Variants in DNAH10 observed in about 807,000 individuals in gnomAD.
DNAH10 encodes axonemal beta dynein heavy chain 10.
A neutral mutation model predicts 506.6 loss-of-function variants in DNAH10; 348 were observed. The ratio of observed to expected loss-of-function variants is 0.69; its 90% CI spans 0.63 to 0.75. The LOEUF (loss-of-function observed/expected upper bound fraction) is 0.75, where lower values mean the gene tolerates loss of function less well. Among genes scored for constraint, DNAH10 ranks in the 30% least tolerant of loss-of-function variants. The probability of loss-of-function intolerance (pLI) is 0.00; values close to 1 mark genes in which losing one functional copy is unlikely to be tolerated. For synonymous variants in DNAH10, 2,059 were observed against 2,198.6 expected, an observed-to-expected ratio of 0.94 and a Z score of 1.78; for missense variants, 5,179 against 5,787.1, an observed-to-expected ratio of 0.89 and a Z score of 3.41.
intron 24 of DNAH10, among the ~76,000 whole-genome samples, chr12:123,825,016 C>T (rs1959817558): frequency 6.6e-6 from 1 of 152,032 alleles, no homozygotes; most frequent in Non-Finnish European, 1.5e-5. Flanking sequence ...CATTAAATGC[C>T]ATGAGAATAC....
chr12:123,830,556 G>T lies in DNAH10; in HGVS notation c.4402G>T (p.Glu1468Ter). Residue 1468 changes from glutamate (E) to a stop codon, truncating the protein, a stop_gained, in exon 26 of 79, where the codon GAA (glutamate) becomes TAA (stop). Transcript: ENST00000673944. LOFTEE classifies it high-confidence loss of function. The stretch of plus-strand genomic sequence containing the variant: ...CTGATGTGCTTTCAGGCATTGGAAA[G>T]AACTTATGGAAAAAACGTCTGTCTT... ...NEALRDRHWKELMEKTSVFFE... is the reference protein window; with the variant it reads ...NEALRDRHWK 1 of 1,613,176 alleles carries T rather than the reference G, an allele frequency of 6.2e-7. No individual in the cohort carries two copies. Among genetic ancestry groups the T allele is most frequent in the Non-Finnish European group, 8.5e-7 (1 of 1,179,600 alleles).
chr12:123,887,017 C>T (rs1305401908), intron 51 of DNAH10, 125 bp from the exon 52 acceptor site: 3 of 1,199,584 alleles, frequency 2.5e-6, no homozygotes, highest in African/African-American at 3.1e-5. Flanking sequence ...TCTTTCCTGA[C>T]CTACTTCCTC....
At chr12:123,929,059 G>T in intron 70 of DNAH10, 1 of 600,984 alleles carries the variant, frequency 1.7e-6, no homozygotes, top group Non-Finnish European at 2.9e-6. Flanking sequence ...TGGTTCAGAG[G>T]AAGGTCAAAG....
chr12:123,929,874 C>A, intron 72 of DNAH10, 115 bp downstream of exon 72: 1 of 911,736 alleles, frequency 1.1e-6, no homozygotes, highest in Non-Finnish European at 1.7e-6. Flanking sequence ...CTGTGTTCCC[C>A]TTGGGTTTCT....
Position 123,928,713 on chromosome 12 carries a change from G to A in DNAH10, c.12306+126G>A. The A allele has an allele frequency of 4.3e-6, 5 of 1,162,386 alleles. No individual in the cohort carries two copies. The South Asian group carries it at 7.9e-5, about 18-fold the overall frequency. 72.0% of individuals were successfully genotyped at this position (1,162,386 alleles called of 1,614,324 possible). On this transcript the variant is annotated intron_variant, in intron 70 of 78. Coordinates refer to ENST00000673944, the MANE Select transcript of DNAH10 (RefSeq NM_001372106.1). This position sits in a 1 kb window ranked among gnomAD's most constrained non-coding sequence, Gnocchi z 4.9. ...AACCTTAGGCTGCAGGTGAAACCTTGCGGTTGAAACCCTTCTCAATCCCAC... is the reference window on the plus strand; with the variant it reads ...AACCTTAGGCTGCAGGTGAAACCTTACGGTTGAAACCCTTCTCAATCCCAC...
At position 123,914,435 on chromosome 12, in the gene DNAH10, T is replaced by C; in HGVS notation, c.10459T>C (p.Phe3487Leu). Residue 3487 changes from phenylalanine (F) to leucine (L), a missense_variant, in exon 61 of 79, where the codon TTC (phenylalanine) becomes CTC (leucine). Phe to Leu is a conservative substitution (Grantham distance 22). This residue lies in a region of DNAH10 where 4,844 missense variants were observed against 5,430.5 expected (regional missense o/e 0.89). Coordinates refer to ENST00000673944, the MANE Select transcript of DNAH10 (RefSeq NM_001372106.1). ...CTACGAGGGAGCCTTCACCTGGGAG[T>C]TCCGTGACGAGATGGTCAATCGGAT... ...LSYEGAFTWE[F>L]RDEMVNRIWQ... 6.2e-7 allele frequency: 1 copy of C among 1,613,676 alleles called. No homozygotes were observed. The highest frequency in any genetic ancestry group is 8.5e-7 in the Non-Finnish European group (1 of 1,179,886).
rs1950931979 is a variant in DNAH10, at chr12:123,845,882, CGGGGTCACT to C, written c.5630+16_5630+24del. On this transcript the variant is annotated intron_variant, in intron 31 of 78. Coordinates refer to ENST00000673944, the MANE Select transcript of DNAH10 (RefSeq NM_001372106.1). The stretch of plus-strand genomic sequence containing the variant: ...TCATAAGAGGCAGGTGAGCATTTTC[CGGGGTCACT>C]GGCATTTCAAAAGGGACCCTTTGTG... The C allele has an allele frequency of 1.9e-6, 3 of 1,613,238 alleles. No individual in the cohort carries two copies. In the Admixed American group the frequency reaches 5.0e-5, roughly 27 times the overall value.
chr12:123,900,261 A>G (rs1240233652), intron 56 of DNAH10, among the ~76,000 whole-genome samples: 1 of 152,164 alleles, frequency 6.6e-6, no homozygotes, highest in African/African-American at 2.4e-5. Flanking sequence ...GTAAAAAACT[A>G]TATATTCCTG....
chr12:123,928,560 C>T lies in DNAH10; in HGVS notation c.12279C>T (p.Pro4093=), dbSNP rs1351367504. The T allele has an allele frequency of 2.5e-6, 4 of 1,606,814 alleles. No homozygotes were observed. In the East Asian group the frequency reaches 9.0e-5, roughly 36 times the overall value. ...CCACGGACCCCACCAAGGGCTTCCC[C>T]ATTGGGATTCTGCAGAAGTCCCTAA... ...WLTTDPTKGF[P]IGILQKSLKV... Residue 4093 remains proline, a synonymous_variant, in exon 70 of 79, where the codon CCC becomes CCT. Transcript: ENST00000673944. The surrounding 1 kb of genome is among the most constrained non-coding windows in gnomAD (Gnocchi z 4.9).
chr12:123,809,352 A>C (rs1365777427), intron 19 of DNAH10, among the ~76,000 whole-genome samples: 1 of 152,024 alleles, frequency 6.6e-6, no homozygotes, highest in Non-Finnish European at 1.5e-5. Context: ...TACCTTAAAC[A>C]AATACAAATC....
At chr12:123,879,592 C>T in intron 49 of DNAH10, 42 bp from the exon 50 acceptor site, 1 of 1,611,524 alleles carries the variant, frequency 6.2e-7, no homozygotes. Context: ...AGGCCGTGTA[C>T]TGTTGTTGAG....
chr12:123,897,692 T>C, intron 54 of DNAH10, 78 bp from the exon 55 acceptor site: 2 of 1,512,016 alleles, frequency 1.3e-6, no homozygotes, highest in East Asian at 2.4e-5. Flanking sequence ...GCCACTGCAC[T>C]CCAGCCTGGG....
chr12:123,787,742 G>C lies in DNAH10; in HGVS notation c.1422-62G>C. On this transcript the variant is annotated intron_variant, in intron 9 of 78. Transcript: ENST00000673944. This position sits in a 1 kb window ranked among gnomAD's most constrained non-coding sequence, Gnocchi z 4.6. ...CACGGGACACTGGCTCCCCAGCCGGGGAGTGCGGCTCGGACCCGGAGCTCC... is the reference window on the plus strand; with the variant it reads ...CACGGGACACTGGCTCCCCAGCCGGCGAGTGCGGCTCGGACCCGGAGCTCC... The C allele has an allele frequency of 6.4e-7, 1 of 1,564,200 alleles. No homozygotes were observed. Among genetic ancestry groups the C allele is most frequent in the South Asian group, 1.2e-5 (1 of 86,100 alleles).
At position 123,864,687 on chromosome 12, in the gene DNAH10, G is replaced by A. The variant is rs749380280; in HGVS notation, c.7001G>A (p.Gly2334Glu). ...AACAGGTTGTTGACATTGGCCAACG[G>A]GGAACGCATCCGGCTCCAAGCACAC... The part of the protein sequence containing the change: ...DDNRLLTLAN[G>E]ERIRLQAHCA... Residue 2334 changes from glycine (G) to glutamate (E), a missense_variant, in exon 40 of 79, where the codon GGG becomes GAG. Around this residue, in one of 3 missense-constraint regions of DNAH10, gnomAD observed 4,844 missense variants for 5,430.5 expected, o/e 0.89. Transcript: ENST00000673944. 1.9e-6 allele frequency: 3 copies of A among 1,613,998 alleles called. No homozygotes were observed. Among genetic ancestry groups the A allele is most frequent in the African/African-American group, 1.3e-5 (1 of 75,048 alleles).
In DNAH10 at chr12:123,933,517, G is replaced by A. The variant is rs770641757; in HGVS notation, c.13477+6G>A. 2.1e-5 allele frequency: 34 copies of A among 1,588,584 alleles called. No individual in the cohort carries two copies. Among genetic ancestry groups the A allele is most frequent in the East Asian group, 6.8e-5 (3 of 43,916 alleles). ...GAATGAGCGGGCGGGACAAGGTACC[G>A]TCAGCTCGTTAGGGATCCACAGCCT... On this transcript the variant is annotated splice_donor_region_variant and intron_variant, in intron 77 of 78. Transcript: ENST00000673944.
chr12:123,866,286 C>T (rs11057378), intron 41 of DNAH10, among the ~76,000 whole-genome samples: 60,072 of 137,996 alleles, frequency 0.44, 13,628 homozygotes, highest in Non-Finnish European at 0.5. Flanking sequence ...CTCTGTCACC[C>T]AGGCTGGAGT....
At chr12:123,861,942 C>T (rs1951627953) in intron 39 of DNAH10, among the ~76,000 whole-genome samples, 1 of 152,194 alleles carries the variant, frequency 6.6e-6, no homozygotes, top group African/African-American at 2.4e-5. Flanking sequence ...TAATTTTGAG[C>T]AGTTCGTCAG....
At chr12:123,910,339 C>G (rs567619579) in intron 58 of DNAH10, among the ~76,000 whole-genome samples, 197 bp from the exon 59 acceptor site, 1 of 152,304 alleles carries the variant, frequency 6.6e-6, no homozygotes, top group East Asian at 1.9e-4. Flanking sequence ...AAACCATGTC[C>G]CTTGCCCACA....
Position 123,796,770 on chromosome 12 carries a change from A to C in DNAH10, c.2101A>C (p.Lys701Gln). 6.2e-7 allele frequency: 1 copy of C among 1,614,184 alleles called. No homozygotes were observed. The highest frequency in any genetic ancestry group is 8.5e-7 in the Non-Finnish European group (1 of 1,180,018). ...GGAACGATCTCTGTTCTTTCGGATT[A>C]AGCATACCATCCTCCGATTTCAAGA... is the stretch of plus-strand genomic sequence containing the variant. ...YWERSLFFRI[K>Q]HTILRFQEVQ... Residue 701 changes from lysine (K) to glutamine (Q), a missense_variant, in exon 13 of 79, where the codon AAG becomes CAG. By Grantham distance (53) the Lys-to-Gln change is moderately conservative (BLOSUM62 1). Coordinates refer to ENST00000673944, the MANE Select transcript of DNAH10 (RefSeq NM_001372106.1).
Sources: allele counts gnomAD v4.1 joint callset (sites outside exome capture counted in the v4.1 genomes callset), GRCh38; gene constraint gnomAD v4.1.1; regional missense constraint gnomAD v4.1.1; non-coding constraint Gnocchi (gnomAD v3.1); transcripts MANE v1.5; gene names NCBI Gene and HGNC (gene_info 2026-07-23, HGNC 2026-07-21).